B3GNT2: variants seen among roughly 807,000 people sequenced by gnomAD.
B3GNT2 encodes UDP-GlcNAc:betaGal beta-1,3-N-acetylglucosaminyltransferase 2.
Under a neutral mutation model 27.6 loss-of-function variants are expected in B3GNT2, and 12 were observed. The ratio of observed to expected loss-of-function variants is 0.44; its 90% CI spans 0.28 to 0.71. B3GNT2 has a LOEUF of 0.71. B3GNT2 is among the 30% of genes least tolerant of loss of function. The probability of loss-of-function intolerance (pLI) is 0.17; values close to 1 mark genes in which losing one functional copy is unlikely to be tolerated. For synonymous variants in B3GNT2, 192 were observed against 189.7 expected (o/e 1.01, Z -0.10); for missense variants, 413 against 488.5 (o/e 0.85, Z 1.46).
At chr2:62,197,446 C>T (rs1384178066) in intron 1 of B3GNT2, among the ~76,000 whole-genome samples, 1 of 152,206 alleles carries the variant, frequency 6.6e-6, no homozygotes, top group Non-Finnish European at 1.5e-5. Context: ...AGGCGGCGCT[C>T]TTCTGCCCAA....
intron 1 of B3GNT2, among the ~76,000 whole-genome samples, chr2:62,207,532 C>T (rs776825591): frequency 6.6e-6 from 1 of 152,184 alleles, no homozygotes; most frequent in Non-Finnish European, 1.5e-5. Flanking sequence ...CTTTTTAGCA[C>T]TGGGGACTGG....
intron 1 of B3GNT2, among the ~76,000 whole-genome samples, chr2:62,209,446 A>G (rs987393712): frequency 4.6e-5 from 7 of 152,146 alleles, no homozygotes; most frequent in Admixed American, 2.0e-4. Context: ...GTCACAATCT[A>G]TGTATGAATT....
chr2:62,219,487 C>T (rs889082898), intron 1 of B3GNT2, among the ~76,000 whole-genome samples: 2 of 152,156 alleles, frequency 1.3e-5, no homozygotes, highest in Non-Finnish European at 2.9e-5. Flanking sequence ...GTTGGCCAGG[C>T]TGGTCTCAAA....
chr2:62,222,849 T>G lies in B3GNT2; in HGVS notation c.629T>G (p.Met210Arg), dbSNP rs774044614. 6.2e-7 allele frequency: 1 copy of G among 1,614,184 alleles called. No homozygotes were observed. The highest frequency in any genetic ancestry group is 8.5e-7 in the Non-Finnish European group (1 of 1,180,038). ...FESEKHQDIL[M>R]WNYRDTFFNL... ...AGTGAGAAGCACCAAGACATTCTTA[T>G]GTGGAACTACAGAGACACTTTCTTC... Residue 210 changes from methionine (M) to arginine (R), a missense_variant, in exon 2 of 2, where the codon ATG (methionine) becomes AGG (arginine). Met to Arg is a moderately conservative substitution (Grantham distance 91). Transcript: ENST00000301998. The surrounding 1 kb of genome is among the most constrained non-coding windows in gnomAD (Gnocchi z 4.2).
chr2:62,223,330 A>T lies in B3GNT2; in HGVS notation c.1110A>T (p.Val370=). 6.2e-7 allele frequency: 1 copy of T among 1,614,208 alleles called. No homozygotes were observed. Among genetic ancestry groups the T allele is most frequent in the Non-Finnish European group, 8.5e-7 (1 of 1,180,000 alleles). ...ACAAAAATAACATCTGCTCCTATGT[A>T]GATCTGATGTTAGTACATAGTAGAA... The part of the protein sequence containing the change: ...EKNKNNICSY[V]DLMLVHSRKP... Residue 370 remains valine, a synonymous_variant, in exon 2 of 2, where the codon GTA becomes GTT. Transcript: ENST00000301998.
At chr2:62,196,965 T>A (rs1674158425) in intron 1 of B3GNT2, among the ~76,000 whole-genome samples, 1 of 151,618 alleles carries the variant, frequency 6.6e-6, no homozygotes, top group African/African-American at 2.4e-5. Context: ...CTCTGCCACT[T>A]CTGTCTCCGG....
At position 62,223,731 on chromosome 2, in the gene B3GNT2, C is replaced by T. The variant is rs771215608; in HGVS notation, c.*317C>T. The T allele has an allele frequency of 2.5e-5, 6 of 242,728 alleles. No individual in the cohort carries two copies. The highest frequency in any genetic ancestry group is 5.1e-5 in the Admixed American group (1 of 19,554). 15.0% of individuals were successfully genotyped at this position (242,728 alleles called of 1,614,324 possible). ...GGCCATTTTAAGTGATTTTGTTTGC[C>T]CTCTTCTATAATATTCCTACTTCCC... On this transcript the variant is annotated 3_prime_UTR_variant, in exon 2 of 2. Coordinates refer to ENST00000301998, the MANE Select transcript of B3GNT2 (RefSeq NM_006577.6).
chr2:62,209,621 C>G (rs933987645), intron 1 of B3GNT2, among the ~76,000 whole-genome samples: 1 of 152,092 alleles, frequency 6.6e-6, no homozygotes, highest in African/African-American at 2.4e-5. Flanking sequence ...ACCCTTTACC[C>G]GCCCCCACGC....
At chr2:62,205,416 CT>C (rs1257821176) in intron 1 of B3GNT2, among the ~76,000 whole-genome samples, 2 of 152,064 alleles carry the variant, frequency 1.3e-5, no homozygotes, top group Non-Finnish European at 1.5e-5. Flanking sequence ...CAAAGTGTTA[CT>C]TTTTTTTGAG....
intron 1 of B3GNT2, among the ~76,000 whole-genome samples, chr2:62,213,980 G>T (rs1486161068): frequency 6.6e-6 from 1 of 152,160 alleles, no homozygotes; most frequent in African/African-American, 2.4e-5. Context: ...TGAAGACCTT[G>T]ACTGCGGAGG....
intron 1 of B3GNT2, among the ~76,000 whole-genome samples, chr2:62,214,035 C>T (rs180756666): frequency 1.3e-5 from 2 of 152,260 alleles, no homozygotes; most frequent in East Asian, 3.9e-4. Flanking sequence ...TACCCTGACT[C>T]CTGGGCAATG....
intron 1 of B3GNT2, among the ~76,000 whole-genome samples, chr2:62,212,091 G>A (rs900317253): frequency 1.6e-4 from 24 of 152,186 alleles, no homozygotes; most frequent in African/African-American, 5.5e-4. Context: ...TCAGTTGCCT[G>A]ATCTCTGAAA....
chr2:62,213,879 A>G (rs1483680479), intron 1 of B3GNT2, among the ~76,000 whole-genome samples: 1 of 152,186 alleles, frequency 6.6e-6, no homozygotes, highest in East Asian at 1.9e-4. Flanking sequence ...GTGTTCAGTA[A>G]ACTTGTCCAG....
rs1050664271 is a variant in B3GNT2 at position 62,223,395 on chromosome 2, G to A, written c.1175G>A (p.Ser392Asn). 1 of 1,606,972 alleles carries A rather than the reference G, an allele frequency of 6.2e-7. No homozygotes were observed. The highest frequency in any genetic ancestry group is 8.5e-7 in the Non-Finnish European group (1 of 1,176,176). Residue 392 changes from serine (S) to asparagine (N), a missense_variant, in exon 2 of 2, where the codon AGT (serine) becomes AAT (asparagine). Coordinates refer to ENST00000301998, the MANE Select transcript of B3GNT2 (RefSeq NM_006577.6). ...EMIDIWSQLQSAHLKC is the reference protein window; with the variant it reads ...EMIDIWSQLQNAHLKC Reference sequence around the variant, plus strand: ...ATTGATATTTGGTCTCAGTTGCAGAGTGCTCATTTAAAATGCTAAAATAGA... The same window carrying A: ...ATTGATATTTGGTCTCAGTTGCAGAATGCTCATTTAAAATGCTAAAATAGA...
intron 1 of B3GNT2, chr2:62,205,750 G>A (rs1674359180): frequency 6.6e-6 from 1 of 152,412 alleles, no homozygotes; most frequent in Admixed American, 6.5e-5. Flanking sequence ...GAGGAGCGCT[G>A]GCATTTAGTG....
intron 1 of B3GNT2, among the ~76,000 whole-genome samples, chr2:62,212,891 A>G (rs1368327501): frequency 6.6e-6 from 1 of 152,150 alleles, no homozygotes; most frequent in Non-Finnish European, 1.5e-5. Flanking sequence ...TATGCAGCTC[A>G]CCTAAGCAGG....
Position 62,222,898 on chromosome 2 carries a change from G to A in B3GNT2, c.678G>A (p.Leu226=), listed in dbSNP as rs773237102. The A allele has an allele frequency of 1.1e-5, 18 of 1,614,060 alleles. No individual in the cohort carries two copies. Among genetic ancestry groups the A allele is most frequent in the Admixed American group, 5.0e-5 (3 of 60,010 alleles). The part of the protein sequence containing the change: ...TFFNLSLKEV[L]FLRWVSTSCP... ...TCAACTTGTCTCTGAAGGAAGTGCT[G>A]TTTCTCAGGTGGGTAAGTACTTCCT... The change falls in exon 2 of 2, where the codon CTG becomes CTA. Residue 226 remains leucine (L), a synonymous_variant. Coordinates refer to ENST00000301998, the MANE Select transcript of B3GNT2 (RefSeq NM_006577.6). This position sits in a 1 kb window ranked among gnomAD's most constrained non-coding sequence, Gnocchi z 4.2.
chr2:62,201,555 G>C (rs1217617855), intron 1 of B3GNT2, among the ~76,000 whole-genome samples: 1 of 152,234 alleles, frequency 6.6e-6, no homozygotes, highest in Non-Finnish European at 1.5e-5. Context: ...TACCGTGTAA[G>C]CGGTATTACA....
chr2:62,221,930 C>G (rs1674703381), intron 1 of B3GNT2: 1 of 531,328 alleles, frequency 1.9e-6, no homozygotes, highest in Non-Finnish European at 3.5e-6. Context: ...TGCTGTGAGC[C>G]ACGCGCTATT....
Sources: allele counts gnomAD v4.1 joint callset (sites outside exome capture counted in the v4.1 genomes callset), GRCh38; gene constraint gnomAD v4.1.1; non-coding constraint Gnocchi (gnomAD v3.1); transcripts MANE v1.5; gene names NCBI Gene and HGNC (gene_info 2026-07-23, HGNC 2026-07-21).